ARK2C: variants seen among roughly 807,000 people sequenced by gnomAD.
ARK2C encodes arkadia (RNF111) C-terminal like ring finger ubiquitin ligase 2C.
the ARK2C span, among the ~76,000 whole-genome samples, chr18:46,354,758 T>C: frequency 6.6e-6 from 1 of 152,212 alleles, no homozygotes; most frequent in Non-Finnish European, 1.5e-5. Flanking sequence ...AAAGCGATGG[T>C]CCACTGTGCA....
chr18:46,452,710 C>A, the ARK2C span, among the ~76,000 whole-genome samples: 1 of 152,104 alleles, frequency 6.6e-6, no homozygotes, highest in Non-Finnish European at 1.5e-5. Flanking sequence ...GCTTGACAAA[C>A]ATTAAGAATC....
chr18:46,451,531 A>C, the ARK2C span, among the ~76,000 whole-genome samples: 6 of 152,252 alleles, frequency 3.9e-5, no homozygotes, highest in Non-Finnish European at 7.3e-5. Context: ...ATAGTGACTC[A>C]CACCTATAAT....
At chr18:46,406,305 C>A in the ARK2C span, among the ~76,000 whole-genome samples, 1 of 152,228 alleles carries the variant, frequency 6.6e-6, no homozygotes, top group Admixed American at 6.5e-5. Context: ...GGCGTGGGAG[C>A]TGCAGCAGAG....
At chr18:46,429,942 C>A in the ARK2C span, among the ~76,000 whole-genome samples, 2 of 152,040 alleles carry the variant, frequency 1.3e-5, no homozygotes, top group African/African-American at 4.8e-5. Flanking sequence ...CCACATTTGT[C>A]AGCAGTCCCA....
the ARK2C span, among the ~76,000 whole-genome samples, chr18:46,417,575 A>T: frequency 6.6e-6 from 1 of 152,240 alleles, no homozygotes; most frequent in Non-Finnish European, 1.5e-5. Context: ...TTCTCTTGGC[A>T]GTCATATTTA....
At chr18:46,366,229 T>C in the ARK2C span, among the ~76,000 whole-genome samples, 2 of 135,574 alleles carry the variant, frequency 1.5e-5, no homozygotes, top group Non-Finnish European at 3.0e-5. Context: ...GAGGTGGAGG[T>C]TGAAGTGAGC....
the ARK2C span, among the ~76,000 whole-genome samples, chr18:46,365,041 T>C: frequency 1.3e-4 from 20 of 151,996 alleles, no homozygotes; most frequent in African/African-American, 4.8e-4. Context: ...GAGTTCCCTT[T>C]CTTCTAATGC....
the ARK2C span, among the ~76,000 whole-genome samples, chr18:46,389,802 C>T: frequency 6.6e-6 from 1 of 151,988 alleles, no homozygotes; most frequent in Non-Finnish European, 1.5e-5. Context: ...AATCTTGGCT[C>T]ACTGCAGCCT....
chr18:46,383,841 G>A, the ARK2C span, among the ~76,000 whole-genome samples: 1,165 of 152,220 alleles, frequency 7.7e-3, 10 homozygotes, highest in Middle Eastern at 0.017. Context: ...GTGAGCCACC[G>A]CGCCCGGCCA....
the ARK2C span, among the ~76,000 whole-genome samples, chr18:46,356,623 G>A: frequency 1.1e-4 from 17 of 152,168 alleles, no homozygotes; most frequent in East Asian, 3.9e-4. Context: ...ACAGAAGGGA[G>A]TATTCAGATT....
chr18:46,449,473 A>G, the ARK2C span, among the ~76,000 whole-genome samples: 2 of 152,046 alleles, frequency 1.3e-5, no homozygotes, highest in African/African-American at 2.4e-5. Context: ...GCCTTGAACC[A>G]CCAAGCTTCT....
the ARK2C span, among the ~76,000 whole-genome samples, chr18:46,344,699 G>A: frequency 6.6e-6 from 1 of 152,216 alleles, no homozygotes; most frequent in Non-Finnish European, 1.5e-5. Flanking sequence ...TGCCTGTGAC[G>A]TTTGGGACTT....
the ARK2C span, among the ~76,000 whole-genome samples, chr18:46,374,026 C>G: frequency 6.6e-6 from 1 of 151,950 alleles, no homozygotes; most frequent in East Asian, 1.9e-4. Flanking sequence ...TCCTGGTGTT[C>G]TTTTCTTCCT....
chr18:46,403,906 G>A, the ARK2C span, among the ~76,000 whole-genome samples: 1 of 152,102 alleles, frequency 6.6e-6, no homozygotes, highest in South Asian at 2.1e-4. Context: ...AACAAAATCA[G>A]ATCCATTGCA....
At chr18:46,390,589 C>T in the ARK2C span, among the ~76,000 whole-genome samples, 12 of 152,260 alleles carry the variant, frequency 7.9e-5, no homozygotes, top group Admixed American at 5.2e-4. Context: ...AAATACTAAC[C>T]CTTCTCAAAG....
At chr18:46,416,906 G>C in the ARK2C span, among the ~76,000 whole-genome samples, 1 of 152,046 alleles carries the variant, frequency 6.6e-6, no homozygotes, top group Non-Finnish European at 1.5e-5. Context: ...AGCCAGTCAC[G>C]TGGCCATGCC....
chr18:46,339,205 C>G, the ARK2C span, among the ~76,000 whole-genome samples: 1 of 152,152 alleles, frequency 6.6e-6, no homozygotes, highest in Non-Finnish European at 1.5e-5. Context: ...AGAAAGCCTC[C>G]AATCCAACCT....
chr18:46,348,121 C>G, the ARK2C span, among the ~76,000 whole-genome samples: 1 of 151,416 alleles, frequency 6.6e-6, no homozygotes, highest in Non-Finnish European at 1.5e-5. Flanking sequence ...TAGCCTGCGG[C>G]AGACATCCTG....
the ARK2C span, among the ~76,000 whole-genome samples, chr18:46,409,654 T>G: frequency 6.6e-6 from 1 of 152,124 alleles, no homozygotes; most frequent in Non-Finnish European, 1.5e-5. Context: ...GTATTGAACT[T>G]GCCTCTGAGT....
Sources: allele counts gnomAD v4.1 joint callset (sites outside exome capture counted in the v4.1 genomes callset), GRCh38; gene constraint gnomAD v4.1.1; transcripts MANE v1.5; gene names NCBI Gene and HGNC (gene_info 2026-07-23, HGNC 2026-07-21).